Variants in SYNPO2 observed in about 807,000 individuals in gnomAD.
The protein encoded by SYNPO2 is synaptopodin 2.
A neutral mutation model predicts 85.0 loss-of-function variants in SYNPO2; 56 were observed. The observed-to-expected ratio is 0.66, with a 90% CI of 0.53 to 0.82. The LOEUF (loss-of-function observed/expected upper bound fraction) is 0.82. Among genes scored for constraint, SYNPO2 ranks in the 40% least tolerant of loss-of-function variants. SYNPO2 has a pLI of 0.00. For synonymous variants in SYNPO2, 602 were observed against 591.1 expected (o/e 1.02, Z -0.27); for missense variants, 1,575 against 1,534.2 (o/e 1.03, Z -0.44).
chr4:118,871,783 A>T (rs1731807610), intron 1 of SYNPO2, among the ~76,000 whole-genome samples: 1 of 152,020 alleles, frequency 6.6e-6, no homozygotes. Flanking sequence ...GTTAGCCAGG[A>T]TGATCTCGAT....
At chr4:119,047,751 A>G (rs1738915426) in intron 4 of SYNPO2, among the ~76,000 whole-genome samples, 1 of 152,242 alleles carries the variant, frequency 6.6e-6, no homozygotes, top group Non-Finnish European at 1.5e-5. Context: ...ATCTCTATGC[A>G]GAAATTTTTT....
At chr4:118,946,205 C>T (rs1454196359) in intron 1 of SYNPO2, among the ~76,000 whole-genome samples, 2 of 152,076 alleles carry the variant, frequency 1.3e-5, no homozygotes, top group African/African-American at 2.4e-5. Flanking sequence ...TAAGAAGTTC[C>T]CCACATGAAA....
At chr4:119,036,901 G>A in intron 4 of SYNPO2, 1 of 1,183,956 alleles carries the variant, frequency 8.4e-7, no homozygotes, top group Non-Finnish European at 1.0e-6. Context: ...TTTATCAAAG[G>A]TTTGCCAGCC....
At chr4:119,007,661 C>T (rs1025176949) in intron 1 of SYNPO2, among the ~76,000 whole-genome samples, 1 of 152,122 alleles carries the variant, frequency 6.6e-6, no homozygotes, top group Non-Finnish European at 1.5e-5. Context: ...CCACCTTGGC[C>T]TTGGTCTTCA....
intron 1 of SYNPO2, among the ~76,000 whole-genome samples, chr4:118,971,569 G>A (rs1483972488): frequency 6.6e-6 from 1 of 152,192 alleles, no homozygotes; most frequent in Non-Finnish European, 1.5e-5. Context: ...CAGTGAAAGG[G>A]CAACCTGACT....
chr4:118,966,462 TTG>T (rs1185377818), intron 1 of SYNPO2, among the ~76,000 whole-genome samples: 22 of 152,092 alleles, frequency 1.4e-4, no homozygotes, highest in Non-Finnish European at 2.5e-4. Flanking sequence ...CCACTTACCC[TTG>T]TAAACCCCAA....
intron 1 of SYNPO2, among the ~76,000 whole-genome samples, chr4:119,000,396 G>A (rs917619801): frequency 2.0e-5 from 3 of 152,024 alleles, no homozygotes; most frequent in African/African-American, 7.2e-5. Context: ...AATAATAAAT[G>A]AGAGCCCGCC....
At chr4:118,946,861 G>GT (rs761757039) in intron 1 of SYNPO2, among the ~76,000 whole-genome samples, 3 of 152,138 alleles carry the variant, frequency 2.0e-5, no homozygotes, top group Non-Finnish European at 4.4e-5. Flanking sequence ...ATTAATAAAG[G>GT]TTTTTTCCCT....
At chr4:119,036,286 A>T in intron 4 of SYNPO2, 4 of 985,388 alleles carry the variant, frequency 4.1e-6, no homozygotes, top group Non-Finnish European at 4.8e-6. Flanking sequence ...AGGGTTGTTG[A>T]GTTTGTTTTT....
intron 1 of SYNPO2, among the ~76,000 whole-genome samples, chr4:119,001,573 C>G (rs1183801612): frequency 1.3e-5 from 2 of 152,102 alleles, no homozygotes; most frequent in African/African-American, 2.4e-5. Flanking sequence ...ATCCAGTATA[C>G]CGGGAAGCCA....
intron 1 of SYNPO2, among the ~76,000 whole-genome samples, chr4:118,996,075 A>G (rs1249311127): frequency 1.3e-5 from 2 of 152,206 alleles, no homozygotes; most frequent in African/African-American, 2.4e-5. Flanking sequence ...TATGCGGCAT[A>G]CACAAACTTT....
intron 4 of SYNPO2, chr4:119,032,730 G>A (rs1738334104): frequency 1.1e-6 from 1 of 932,242 alleles, no homozygotes; most frequent in Non-Finnish European, 1.3e-6. Context: ...CTTATTTAAA[G>A]TAAATGGGGC....
chr4:119,009,878 T>A (rs1239035188), intron 1 of SYNPO2, among the ~76,000 whole-genome samples: 1 of 152,204 alleles, frequency 6.6e-6, no homozygotes, highest in African/African-American at 2.4e-5. Flanking sequence ...CTCGTTAAAA[T>A]GAAGATGTTG....
At chr4:118,894,837 T>TA (rs375833064) in intron 1 of SYNPO2, among the ~76,000 whole-genome samples, 66 of 142,940 alleles carry the variant, frequency 4.6e-4, no homozygotes, top group South Asian at 1.3e-3. Context: ...ATTCACATTT[T>TA]AAAAAAAAAA....
chr4:119,048,827 T>G (rs1422853736), intron 4 of SYNPO2, among the ~76,000 whole-genome samples: 1 of 152,116 alleles, frequency 6.6e-6, no homozygotes, highest in Non-Finnish European at 1.5e-5. Flanking sequence ...AGTTGGCAGA[T>G]TTTGTGGGGT....
intron 4 of SYNPO2, among the ~76,000 whole-genome samples, chr4:119,054,906 A>C (rs1739163538): frequency 6.6e-6 from 1 of 152,094 alleles, no homozygotes; most frequent in East Asian, 1.9e-4. Flanking sequence ...GACCACACAA[A>C]GCAAAATCAT....
chr4:118,982,335 C>A (rs1736058159), intron 1 of SYNPO2, among the ~76,000 whole-genome samples: 1 of 152,106 alleles, frequency 6.6e-6, no homozygotes, highest in South Asian at 2.1e-4. Flanking sequence ...AGACTGGGGA[C>A]AAAATCATGA....
At chr4:118,882,627 A>G (rs567200446) in intron 1 of SYNPO2, among the ~76,000 whole-genome samples, 2 of 152,108 alleles carry the variant, frequency 1.3e-5, no homozygotes, top group East Asian at 3.9e-4. Context: ...CACACCCCAC[A>G]CACCTTTATA....
chr4:118,881,831 G>T (rs1490667411), intron 1 of SYNPO2, among the ~76,000 whole-genome samples: 1 of 152,176 alleles, frequency 6.6e-6, no homozygotes, highest in Non-Finnish European at 1.5e-5. Flanking sequence ...TGCTCAGATG[G>T]CTTTTCATGG....
Sources: allele counts gnomAD v4.1 joint callset (sites outside exome capture counted in the v4.1 genomes callset), GRCh38; gene constraint gnomAD v4.1.1; transcripts MANE v1.5; gene names NCBI Gene and HGNC (gene_info 2026-07-23, HGNC 2026-07-21).